The following SPATA17 variants were observed in gnomAD, a reference collection of about 807,000 sequenced individuals.
SPATA17 encodes spermatogenesis-associated protein 17.
A neutral mutation model predicts 62.2 loss-of-function variants in SPATA17; 53 were observed. The ratio of observed to expected loss-of-function variants is 0.85; its 90% CI spans 0.68 to 1.07. The LOEUF (loss-of-function observed/expected upper bound fraction) is 1.07. Ranked by LOEUF, SPATA17 falls within the 50% of genes least tolerant of loss-of-function variation. SPATA17 has a pLI of 0.00. For missense variants in SPATA17, 466 were observed against 425.5 expected (o/e 1.10, Z -0.84); for synonymous variants, 146 against 146.8 (o/e 0.99, Z 0.04).
At chr1:217,690,855 T>C (rs1671337199) in intron 5 of SPATA17, among the ~76,000 whole-genome samples, 1 of 144,510 alleles carries the variant, frequency 6.9e-6, no homozygotes, top group African/African-American at 2.6e-5. Context: ...TTCCATGGTG[T>C]ATATGTGCCA....
chr1:217,683,149 C>T (rs1291561168), intron 4 of SPATA17, 109 bp from the exon 5 acceptor site: 5 of 650,024 alleles, frequency 7.7e-6, no homozygotes, highest in Non-Finnish European at 1.3e-5. Context: ...AAGCCCAAGA[C>T]TTTATTTGAT....
rs560057954 is a variant in SPATA17, at chr1:217,772,908, C to T, written c.520-1426C>T. On this transcript the variant is annotated intron_variant, in intron 6 of 10. Coordinates refer to ENST00000366933, the MANE Select transcript of SPATA17 (RefSeq NM_138796.4). ...AGGAAGCATTTGGTATAGGACACTGCGTTTGGGATAGGATGTTGCATTTGG... is the reference window on the plus strand; with the variant it reads ...AGGAAGCATTTGGTATAGGACACTGTGTTTGGGATAGGATGTTGCATTTGG... Among the ~76,000 whole-genome samples the T allele has an allele frequency of 8.5e-5, 13 of 152,164 alleles. No individual in the cohort carries two copies. The East Asian group carries it at 1.4e-3, about 16-fold the overall frequency.
intron 9 of SPATA17, among the ~76,000 whole-genome samples, chr1:217,825,502 A>T (rs888615417): frequency 6.6e-6 from 1 of 151,952 alleles, no homozygotes; most frequent in East Asian, 1.9e-4. Context: ...ACAATTTATC[A>T]ATTTTACTAA....
At chr1:217,679,105 C>G (rs1161865747) in intron 4 of SPATA17, among the ~76,000 whole-genome samples, 1 of 152,110 alleles carries the variant, frequency 6.6e-6, no homozygotes, top group African/African-American at 2.4e-5. Flanking sequence ...ACAGTCTCAT[C>G]TATATTGTAT....
rs115029797 is a variant in SPATA17, at chr1:217,746,545, A to T, written c.519+4447A>T. ...GTATTTGTGAATTCAGATATAGATG[A>T]TATAAGATTATGTGTTTTTAATGTG... On this transcript the variant is annotated intron_variant, in intron 6 of 10. Transcript: ENST00000366933. Among the ~76,000 whole-genome samples, 513 of 137,628 alleles carry T rather than the reference A, an allele frequency of 3.7e-3. 7 individuals are homozygous for T. Among genetic ancestry groups the T allele is most frequent in the African/African-American group, 0.013 (503 of 39,758 alleles). The allele number at this position is 137,628 out of a possible 152,430, so 90.3% of individuals were successfully genotyped here.
At chr1:217,696,978 G>T (rs1471603836) in intron 5 of SPATA17, among the ~76,000 whole-genome samples, 2 of 152,066 alleles carry the variant, frequency 1.3e-5, no homozygotes. Context: ...AAATTTACTT[G>T]CAGGTGACTC....
chr1:217,668,321 T>A (rs1233240896), intron 3 of SPATA17, among the ~76,000 whole-genome samples: 6 of 152,188 alleles, frequency 3.9e-5, no homozygotes, highest in Non-Finnish European at 8.8e-5. Context: ...CATTGTTGAA[T>A]GACTTACTGT....
At chr1:217,831,167 G>A (rs1571832977) in intron 9 of SPATA17, among the ~76,000 whole-genome samples, 1 of 152,186 alleles carries the variant, frequency 6.6e-6, no homozygotes, top group East Asian at 1.9e-4. Flanking sequence ...GGATTCTAAA[G>A]AGAAAATTAG....
intron 3 of SPATA17, among the ~76,000 whole-genome samples, chr1:217,662,062 A>T (rs1465523695): frequency 5.3e-5 from 8 of 152,146 alleles, no homozygotes. Flanking sequence ...GAGCACTAAC[A>T]ATTTGAGAGT....
chr1:217,847,792 C>T (rs1558074993), intron 9 of SPATA17, among the ~76,000 whole-genome samples: 1 of 151,948 alleles, frequency 6.6e-6, no homozygotes, highest in Non-Finnish European at 1.5e-5. Context: ...TAATTCCAGC[C>T]CACTGGGAGG....
intron 8 of SPATA17, among the ~76,000 whole-genome samples, chr1:217,785,988 A>C (rs1558050439): frequency 1.3e-5 from 2 of 152,174 alleles, no homozygotes; most frequent in Non-Finnish European, 2.9e-5. Flanking sequence ...GTCTATCCTT[A>C]TGAAGCCAGG....
rs148098301 is a variant in SPATA17, at chr1:217,782,232, C to G, written c.782C>G (p.Thr261Arg). ...LEQRYRPLEPTLRVAEPIDEL... is the reference protein window; with the variant it reads ...LEQRYRPLEPRLRVAEPIDEL... Reference sequence around the variant, plus strand: ...CAACGCTACAGGCCTTTGGAGCCAACGTTGCGGGTGGCAGAACCAATCGAT... The same window carrying G: ...CAACGCTACAGGCCTTTGGAGCCAAGGTTGCGGGTGGCAGAACCAATCGAT... Residue 261 changes from threonine to arginine, a missense_variant, in exon 8 of 11, where the codon ACG becomes AGG. Thr to Arg is a moderately conservative substitution (Grantham distance 71, BLOSUM62 -1). Transcript: ENST00000366933. 1 of 1,612,280 alleles carries G rather than the reference C, an allele frequency of 6.2e-7. No individual in the cohort carries two copies. The highest frequency in any genetic ancestry group is 8.5e-7 in the Non-Finnish European group (1 of 1,179,090).
chr1:217,831,947 GTT>G (rs1197078772), intron 9 of SPATA17, among the ~76,000 whole-genome samples: 2 of 151,914 alleles, frequency 1.3e-5, no homozygotes, highest in East Asian at 3.9e-4. Flanking sequence ...ATTTTAAAAG[GTT>G]AACATTTTCT....
At chr1:217,654,859 C>T (rs898772309) in intron 3 of SPATA17, among the ~76,000 whole-genome samples, 9 of 151,856 alleles carry the variant, frequency 5.9e-5, no homozygotes, top group Non-Finnish European at 1.0e-4. Context: ...ACTACAGGCA[C>T]GTGCCACCAC....
chr1:217,698,319 A>G lies in SPATA17; in HGVS notation c.395+14958A>G, dbSNP rs58310606. ...CATGGTGGTGCCTGCCTGTAATCCC[A>G]GCTGCTCGGGAGGCTGAGGCAGGAG... On this transcript the variant is annotated intron_variant, in intron 5 of 10. Coordinates refer to ENST00000366933, the MANE Select transcript of SPATA17 (RefSeq NM_138796.4). 6.4e-3 allele frequency among the ~76,000 whole-genome samples: 974 copies of G among 152,216 alleles called. 16 individuals carry two copies. Among genetic ancestry groups the G allele is most frequent in the African/African-American group, 0.022 (933 of 41,538 alleles).
At chr1:217,680,211 T>G (rs1458260371) in intron 4 of SPATA17, among the ~76,000 whole-genome samples, 4 of 152,196 alleles carry the variant, frequency 2.6e-5, no homozygotes, top group Non-Finnish European at 5.9e-5. Context: ...GCTGAAAGAT[T>G]TGAAGCCATC....
intron 8 of SPATA17, among the ~76,000 whole-genome samples, chr1:217,790,602 G>A (rs1380432844): frequency 3.9e-5 from 6 of 152,188 alleles, no homozygotes; most frequent in African/African-American, 7.2e-5. Context: ...CACCGTGCCC[G>A]GCTAATTTTT....
At chr1:217,749,432 A>C (rs1672845220) in intron 6 of SPATA17, among the ~76,000 whole-genome samples, 1 of 151,642 alleles carries the variant, frequency 6.6e-6, no homozygotes, top group Non-Finnish European at 1.5e-5. Context: ...TTCCTTGTGA[A>C]CTTTTTTTGG....
At chr1:217,864,788 A>G (rs955338915) in intron 10 of SPATA17, among the ~76,000 whole-genome samples, 2 of 152,114 alleles carry the variant, frequency 1.3e-5, no homozygotes, top group African/African-American at 2.4e-5. Flanking sequence ...TCTTGACTTT[A>G]TTCTATTTAA....
Sources: allele counts gnomAD v4.1 joint callset (sites outside exome capture counted in the v4.1 genomes callset), GRCh38; gene constraint gnomAD v4.1.1; transcripts MANE v1.5; gene names NCBI Gene and HGNC (gene_info 2026-07-23, HGNC 2026-07-21).